The following NCOR2 variants were observed in gnomAD, a reference collection of about 807,000 sequenced individuals.
NCOR2 encodes nuclear receptor corepressor 2.
NCOR2 carries 81 observed loss-of-function variants against 262.9 expected under a neutral mutation model. The ratio of observed to expected loss-of-function variants is 0.31; its 90% CI spans 0.26 to 0.37. The LOEUF (loss-of-function observed/expected upper bound fraction) is 0.37, where lower values mean the gene tolerates loss of function less well. NCOR2 is among the 10% of genes least tolerant of loss of function. The probability of loss-of-function intolerance (pLI) is 1.00; values close to 1 mark genes in which losing one functional copy is unlikely to be tolerated. For missense variants in NCOR2, 3,385 were observed against 3,621.4 expected (o/e 0.93, Z 1.68); for synonymous variants, 1,659 against 1,559.3 (o/e 1.06, Z -1.51).
At chr12:124,333,232 C>A (rs779205903) in exon 42 of NCOR2, 1 of 1,612,922 alleles carries the variant, frequency 6.2e-7, no homozygotes, top group Non-Finnish European at 8.5e-7. Flanking sequence ...AGGTTCAATA[C>A]CGTCCTCACC....
chr12:124,449,249 A>C (rs1038322993), intron 7 of NCOR2, among the ~76,000 whole-genome samples: 3 of 152,002 alleles, frequency 2.0e-5, no homozygotes, highest in Non-Finnish European at 4.4e-5. Flanking sequence ...CCCTCCTAGC[A>C]CCGGTCTGGG....
intron 3 of NCOR2, among the ~76,000 whole-genome samples, chr12:124,476,055 C>T (rs941404221): frequency 7.9e-5 from 12 of 152,196 alleles, no homozygotes; most frequent in Admixed American, 2.0e-4. Flanking sequence ...TGTGTATGCA[C>T]GTACCAGTGG....
intron 7 of NCOR2, 30 bp from the exon 10 acceptor site, chr12:124,438,026 AG>A: frequency 6.3e-7 from 1 of 1,593,062 alleles, no homozygotes; most frequent in Middle Eastern, 1.7e-4. Context: ...CAGACAGGTC[AG>A]CCCGGCCGGG....
upstream of NCOR2, among the ~76,000 whole-genome samples, chr12:124,535,934 G>A (rs970779141): frequency 1.3e-5 from 2 of 152,006 alleles, no homozygotes; most frequent in Non-Finnish European, 2.9e-5. Flanking sequence ...CGGGCCACAC[G>A]GCTAGGCTAC....
chr12:124,528,723 C>T (rs2050614536), intron 1 of NCOR2, among the ~76,000 whole-genome samples: 1 of 152,228 alleles, frequency 6.6e-6, no homozygotes, highest in African/African-American at 2.4e-5. Flanking sequence ...TGGCATGACC[C>T]TCTGGACTGG....
chr12:124,346,582 C>T (rs774153308), exon 31 of NCOR2: 90 of 1,568,486 alleles, frequency 5.7e-5, no homozygotes, highest in Non-Finnish European at 7.2e-5. Flanking sequence ...TGGAGCCCTC[C>T]TTGAGCGGCC....
At chr12:124,374,730 T>C (rs1033926332) in intron 18 of NCOR2, among the ~76,000 whole-genome samples, 6 of 152,244 alleles carry the variant, frequency 3.9e-5, no homozygotes, top group Non-Finnish European at 8.8e-5. Context: ...AATGGGGTTG[T>C]TCAGGGTGAA....
rs1478338699 is a variant in NCOR2 at position 124,362,238 on chromosome 12, G to A, written c.2988C>T (p.Pro996=). 3.0e-6 allele frequency: 4 copies of A among 1,316,250 alleles called. No homozygotes were observed. In the East Asian group the frequency reaches 1.1e-4, roughly 36 times the overall value. 81.5% of individuals were successfully genotyped at this position (1,316,250 alleles called of 1,614,324 possible). ...GGTTTTGCGGTGGCGGTGGGGCTGG[G>A]GGAGCTGGCTTGGTGGGAGCTGCGT... Residue 996 remains proline, a synonymous_variant, in exon 22 of 47, where the codon CCC becomes CCT. Coordinates refer to ENST00000405201, the Ensembl canonical transcript of NCOR2.
At chr12:124,350,661 C>A (rs780940395) in exon 28 of NCOR2, 2 of 1,613,730 alleles carry the variant, frequency 1.2e-6, no homozygotes, top group Non-Finnish European at 1.7e-6. Flanking sequence ...CTCCCGGCCG[C>A]GGTCCAAGCG....
At position 124,440,246 on chromosome 12, in the gene NCOR2, C is replaced by A. The variant is rs1019638447; in HGVS notation, c.816-2250G>T. Among the ~76,000 whole-genome samples the A allele has an allele frequency of 1.1e-4, 16 of 152,226 alleles. No individual in the cohort carries two copies. Among genetic ancestry groups the A allele is most frequent in the African/African-American group, 3.9e-4 (16 of 41,452 alleles). ...CCAAAGCTACTGACTGGGAGCCACG[C>A]TATGTCCAGCCCCCGGGACCCCAGC... On this transcript the variant is annotated intron_variant, in intron 7 of 46. Transcript: ENST00000405201. This position sits in a 1 kb window ranked among gnomAD's most constrained non-coding sequence, Gnocchi z 5.7.
rs112343911 is a variant in NCOR2, at chr12:124,443,964, G to A, written c.815+5851C>T. ...GGCTTGGCTGCTCCTTTCAAAGGTC[G>A]CCCAGCTCCCCGTTCCTCAGCCCCT... On this transcript the variant is annotated intron_variant, in intron 7 of 46. Transcript: ENST00000405201. This position sits in a 1 kb window ranked among gnomAD's most constrained non-coding sequence, Gnocchi z 4.4. 3.7e-3 allele frequency among the ~76,000 whole-genome samples: 556 copies of A among 152,092 alleles called. 4 individuals are homozygous for A. Among genetic ancestry groups the A allele is most frequent in the African/African-American group, 0.013 (529 of 41,486 alleles).
rs146495436 is a variant in NCOR2, at chr12:124,494,088, T to A, written c.105+1059A>T. On this transcript the variant is annotated intron_variant, in intron 1 of 46. Coordinates refer to ENST00000405201, the Ensembl canonical transcript of NCOR2. ...AGGGGCCCAACCTACAGGAGGCCAC[T>A]GTGTCAGGGACTCCCCCAGGCAGGG... Among the ~76,000 whole-genome samples the A allele has an allele frequency of 2.2e-3, 332 of 152,332 alleles. 4 individuals are homozygous for A. The highest frequency in any genetic ancestry group is 6.9e-3 in the African/African-American group (285 of 41,570).
chr12:124,361,217 C>G (rs960290406), intron 22 of NCOR2, among the ~76,000 whole-genome samples: 11 of 152,110 alleles, frequency 7.2e-5, no homozygotes, highest in Non-Finnish European at 4.4e-5. Flanking sequence ...GGATTTGTCC[C>G]TGGGCTGTGC....
intron 10 of NCOR2, among the ~76,000 whole-genome samples, chr12:124,428,285 C>T (rs1002764372): frequency 4.6e-5 from 7 of 152,230 alleles, no homozygotes; most frequent in African/African-American, 1.7e-4. Context: ...GAGGGCCGGG[C>T]CCTGTGGCTG....
intron 43 of NCOR2, 125 bp downstream of exon 45, chr12:124,332,194 A>C: frequency 8.1e-7 from 1 of 1,229,658 alleles, no homozygotes; most frequent in South Asian, 1.4e-5. Flanking sequence ...GGAGGTGGTC[A>C]GCAGGGCCAC....
intron 40 of NCOR2, 64 bp downstream of exon 42, chr12:124,335,071 C>G: frequency 6.2e-7 from 1 of 1,610,404 alleles, no homozygotes; most frequent in African/African-American, 1.3e-5. Flanking sequence ...TTCCCCATCC[C>G]CTCTCCAGGC....
At chr12:124,337,287 TCC>T (rs1207269807) in intron 37 of NCOR2, 107 bp from the exon 40 acceptor site, 1 of 1,329,212 alleles carries the variant, frequency 7.5e-7, no homozygotes, top group African/African-American at 1.5e-5. Flanking sequence ...CCCCTGCTGC[TCC>T]CAGAGTGAAA....
upstream of NCOR2, chr12:124,538,340 G>T (rs1267762854): frequency 6.6e-6 from 1 of 152,428 alleles, no homozygotes; most frequent in African/African-American, 2.4e-5. Context: ...AACTCAGCAG[G>T]GACTTCCCAG....
chr12:124,438,035 G>T, intron 7 of NCOR2, 39 bp from the exon 10 acceptor site: 1 of 1,576,472 alleles, frequency 6.3e-7, no homozygotes, highest in East Asian at 2.3e-5. Context: ...CAGCCCGGCC[G>T]GGCTCAGGCG....
Sources: gnomAD v4.1 joint callset for allele counts (sites outside exome capture counted in the v4.1 genomes callset) on GRCh38, gnomAD v4.1.1 for gene constraint, Gnocchi (gnomAD v3.1) non-coding constraint, MANE v1.5 for transcripts, NCBI Gene and HGNC (gene_info 2026-07-23, HGNC 2026-07-21) for gene names.